Variants in MALRD1 observed in about 807,000 individuals in gnomAD.
MALRD1 encodes MAM and LDL receptor class A domain containing 1, also known as MAM and LDL-receptor class A domain-containing protein 1.
In MALRD1, 247 loss-of-function variants were observed where a neutral mutation model predicts 242.1. The ratio of observed to expected loss-of-function variants is 1.02; its 90% CI spans 0.92 to 1.13. The LOEUF is 1.13. Ranked by LOEUF, MALRD1 falls within the 50% of genes most tolerant of loss-of-function variation. The pLI, the probability that MALRD1 is intolerant of heterozygous loss-of-function variation, is 0.00. For missense variants in MALRD1, 2,989 were observed against 2,533.1 expected, an observed-to-expected ratio of 1.18 and a Z score of -3.86; for synonymous variants, 995 against 866.6, an observed-to-expected ratio of 1.15 and a Z score of -2.60.
At chr10:19,584,479 T>C (rs1224267988) in intron 33 of MALRD1, among the ~76,000 whole-genome samples, 5 of 152,186 alleles carry the variant, frequency 3.3e-5, no homozygotes, top group African/African-American at 4.8e-5. Flanking sequence ...CATTTCGTTA[T>C]GTACCCAGTA....
intron 33 of MALRD1, among the ~76,000 whole-genome samples, chr10:19,579,182 G>A (rs1469697703): frequency 6.6e-6 from 1 of 152,128 alleles, no homozygotes; most frequent in South Asian, 2.1e-4. Flanking sequence ...ACAGCCACTT[G>A]TTCTATTTGA....
intron 34 of MALRD1, among the ~76,000 whole-genome samples, chr10:19,606,064 G>T (rs149756728): frequency 6.6e-6 from 1 of 151,676 alleles, no homozygotes; most frequent in Non-Finnish European, 1.5e-5. Context: ...TTTTTTTTAC[G>T]TCCAACTTTA....
At chr10:19,679,599 A>G (rs1451597577) in intron 36 of MALRD1, among the ~76,000 whole-genome samples, 2 of 151,986 alleles carry the variant, frequency 1.3e-5, no homozygotes, top group Admixed American at 6.6e-5. Flanking sequence ...TTTTTCAAAA[A>G]ACACCTGCTG....
intron 38 of MALRD1, among the ~76,000 whole-genome samples, chr10:19,729,474 A>C (rs1835185344): frequency 6.6e-6 from 1 of 151,996 alleles, no homozygotes; most frequent in African/African-American, 2.4e-5. Flanking sequence ...CTCTTAAAAC[A>C]ATCATCCTGG....
At chr10:19,132,815 G>T (rs1157266137) in intron 8 of MALRD1, among the ~76,000 whole-genome samples, 1 of 152,046 alleles carries the variant, frequency 6.6e-6, no homozygotes. Context: ...ATGTGAATTT[G>T]AATGTCTAAT....
chr10:19,485,677 T>C (rs1219348274), intron 29 of MALRD1, among the ~76,000 whole-genome samples: 1 of 150,458 alleles, frequency 6.6e-6, no homozygotes, highest in South Asian at 2.1e-4. Context: ...AATAATAAAA[T>C]AGATCAGTGT....
At chr10:19,236,667 AAAGG>A (rs1218774057) in intron 18 of MALRD1, among the ~76,000 whole-genome samples, 1 of 152,142 alleles carries the variant, frequency 6.6e-6, no homozygotes, top group East Asian at 1.9e-4. Flanking sequence ...AAGCACATAA[AAAGG>A]AAGGTTACTG....
chr10:19,157,537 G>T (rs550035038), intron 12 of MALRD1, among the ~76,000 whole-genome samples: 1 of 152,110 alleles, frequency 6.6e-6, no homozygotes, highest in Non-Finnish European at 1.5e-5. Context: ...GTGAGCCACC[G>T]CACCCAGTCG....
chr10:19,403,055 G>C (rs78298445), intron 28 of MALRD1, among the ~76,000 whole-genome samples: 1 of 152,118 alleles, frequency 6.6e-6, no homozygotes, highest in Non-Finnish European at 1.5e-5. Flanking sequence ...TATAAACAAG[G>C]AGAAAAATAT....
intron 5 of MALRD1, among the ~76,000 whole-genome samples, chr10:19,105,047 A>G (rs1443174375): frequency 1.3e-5 from 2 of 151,994 alleles, no homozygotes; most frequent in African/African-American, 2.4e-5. Context: ...AATTCTCTCT[A>G]TTAGTTATTT....
At chr10:19,701,282 C>A (rs1364556017) in intron 38 of MALRD1, among the ~76,000 whole-genome samples, 1 of 152,048 alleles carries the variant, frequency 6.6e-6, no homozygotes. Context: ...ATCCTCAGAT[C>A]CTTACTCTCA....
intron 33 of MALRD1, among the ~76,000 whole-genome samples, chr10:19,581,029 C>T (rs1837095410): frequency 6.6e-6 from 1 of 151,760 alleles, no homozygotes; most frequent in Admixed American, 6.6e-5. Flanking sequence ...TTTCTCTTTC[C>T]CTATTACAGA....
chr10:19,497,163 G>A (rs1837756949), intron 30 of MALRD1, among the ~76,000 whole-genome samples: 1 of 152,026 alleles, frequency 6.6e-6, no homozygotes, highest in South Asian at 2.1e-4. Context: ...GAATGTGCAG[G>A]TGACATCATT....
Position 19,124,639 on chromosome 10 carries a change from A to C in MALRD1, c.912A>C (p.Thr304=). 3 of 1,233,810 alleles carry C rather than the reference A, an allele frequency of 2.4e-6. No individual in the cohort carries two copies. Among genetic ancestry groups the C allele is most frequent in the Non-Finnish European group, 3.0e-6 (3 of 988,130 alleles). 76.4% of individuals were successfully genotyped at this position (1,233,810 alleles called of 1,614,324 possible). The change falls in exon 7 of 40, where the codon ACA becomes ACC. Residue 304 remains threonine (T), a synonymous_variant. Coordinates refer to ENST00000454679, the MANE Select transcript of MALRD1 (RefSeq NM_001142308.3). ...KAREIPAFES[T]PQQDQGGDDE... ...GAGAGATCCCTGCATTCGAATCCAC[A>C]CCTCAGCAGGATCAAGGAGGTGATG...
chr10:19,489,285 A>C (rs1837377458), intron 29 of MALRD1: 1 of 494,250 alleles, frequency 2.0e-6, no homozygotes, highest in Non-Finnish European at 4.1e-6. Context: ...AAGGGAAAAC[A>C]GGCCTAAGTG....
chr10:19,565,190 A>G (rs1270253060), intron 32 of MALRD1, among the ~76,000 whole-genome samples: 1 of 152,076 alleles, frequency 6.6e-6, no homozygotes, highest in African/African-American at 2.4e-5. Context: ...GGAGAGTTTA[A>G]TGTTCATGAC....
intron 31 of MALRD1, among the ~76,000 whole-genome samples, chr10:19,525,907 C>G (rs772687252): frequency 1.3e-5 from 2 of 152,092 alleles, no homozygotes; most frequent in Admixed American, 1.3e-4. Context: ...AGCTGTAAAA[C>G]AGTCCAAAAT....
chr10:19,654,196 G>A (rs1415207186), intron 36 of MALRD1, among the ~76,000 whole-genome samples: 1 of 151,826 alleles, frequency 6.6e-6, no homozygotes, highest in East Asian at 1.9e-4. Flanking sequence ...ACATCCCCTA[G>A]CATCCTCCAT....
intron 19 of MALRD1, among the ~76,000 whole-genome samples, chr10:19,274,755 T>C (rs183361681): frequency 0.043 from 6,543 of 152,190 alleles, 203 homozygotes; most frequent in Non-Finnish European, 0.065. Flanking sequence ...ACTCAACTCA[T>C]ATGAATTATT....
Sources: allele counts gnomAD v4.1 joint callset (sites outside exome capture counted in the v4.1 genomes callset), GRCh38; gene constraint gnomAD v4.1.1; transcripts MANE v1.5; gene names NCBI Gene and HGNC (gene_info 2026-07-23, HGNC 2026-07-21).